The following PDE4B variants were observed in gnomAD, a reference collection of about 807,000 sequenced individuals.
PDE4B encodes the protein 3',5'-cyclic-AMP phosphodiesterase 4B.
A neutral mutation model predicts 82.2 loss-of-function variants in PDE4B; 20 were observed. The ratio of observed to expected loss-of-function variants is 0.24; its 90% CI spans 0.17 to 0.35. The LOEUF is 0.35. Ranked by LOEUF, PDE4B falls within the 10% of genes least tolerant of loss-of-function variation. PDE4B has a pLI of 1.00. For missense variants in PDE4B, 655 were observed against 907.2 expected (o/e 0.72, Z 3.57); for synonymous variants, 320 against 318.9 (o/e 1.00, Z -0.04).
chr1:65,949,626 T>C (rs939804050), intron 3 of PDE4B, among the ~76,000 whole-genome samples: 25 of 152,260 alleles, frequency 1.6e-4, no homozygotes, highest in African/African-American at 5.8e-4. Context: ...ATTTCTTTTC[T>C]GCTTTACCTG....
At chr1:66,207,547 G>A (rs527250588) in intron 3 of PDE4B, among the ~76,000 whole-genome samples, 44 of 152,222 alleles carry the variant, frequency 2.9e-4, no homozygotes, top group African/African-American at 1.1e-3. Context: ...TGCTAACCTC[G>A]TTACTGGCAA....
intron 3 of PDE4B, among the ~76,000 whole-genome samples, chr1:66,164,535 C>CAAACAAAAAAAAA (rs1646681483): frequency 2.1e-5 from 1 of 48,556 alleles, no homozygotes; most frequent in Admixed American, 3.6e-4. Context: ...GACTCCGTCT[C>CAAACAAAAAAAAA]AAAAAAAAAA....
chr1:65,803,003 CT>C (rs1356772253), intron 1 of PDE4B, among the ~76,000 whole-genome samples: 1 of 151,854 alleles, frequency 6.6e-6, no homozygotes, highest in South Asian at 2.1e-4. Context: ...AAATGTTATG[CT>C]TTTTTGTTTT....
At chr1:65,874,412 T>G (rs894336746) in intron 1 of PDE4B, among the ~76,000 whole-genome samples, 1 of 152,254 alleles carries the variant, frequency 6.6e-6, no homozygotes, top group East Asian at 1.9e-4. Context: ...CCTTTATTTC[T>G]TTCTCCTGCC....
In PDE4B at chr1:66,164,559, AAAAG is replaced by A. The variant is rs1187534564; in HGVS notation, c.282-82885_282-82882del. 5.5e-3 allele frequency among the ~76,000 whole-genome samples: 686 copies of A among 125,032 alleles called. 15 individuals carry two copies. The highest frequency in any genetic ancestry group is 0.018 in the African/African-American group (613 of 34,504). The allele number at this position is 125,032 out of a possible 152,430, so 82.0% of individuals were successfully genotyped here. On this transcript the variant is annotated intron_variant, in intron 3 of 16. Transcript: ENST00000341517. ...TCAAAAAAAAAAAAAAAAAAAAAAA[AAAAG>A]AAAGAAAGAAAGAAAAAGAAAGAAA...
chr1:66,054,203 A>T (rs186960612), intron 3 of PDE4B, among the ~76,000 whole-genome samples: 2 of 152,308 alleles, frequency 1.3e-5, no homozygotes, highest in Non-Finnish European at 2.9e-5. Flanking sequence ...GTGATCATAG[A>T]TTACTAACGT....
intron 3 of PDE4B, among the ~76,000 whole-genome samples, chr1:66,073,664 G>T (rs1010644720): frequency 6.6e-6 from 1 of 152,030 alleles, no homozygotes; most frequent in Non-Finnish European, 1.5e-5. Flanking sequence ...CAACAAATCC[G>T]ATAGTAAACC....
In PDE4B at chr1:65,918,703, T is replaced by TAC; in HGVS notation, c.151_152dup (p.Gln51HisfsTer30). On this transcript the variant is annotated frameshift_variant, in exon 3 of 17. Transcript: ENST00000341517. LOFTEE classifies it high-confidence loss of function. ...GGGAGAAGGTGTTGCTCAGGAAACTTACAGTTACCACCACTGTCTCAAAGA... is the reference window on the plus strand; with the variant it reads ...GGGAGAAGGTGTTGCTCAGGAAACTTACACAGTTACCACCACTGTCTCAAAGA... 6.2e-7 allele frequency: 1 copy of TAC among 1,612,582 alleles called. No homozygotes were observed. Among genetic ancestry groups the TAC allele is most frequent in the South Asian group, 1.1e-5 (1 of 91,052 alleles).
chr1:66,183,167 A>T (rs1392687470), intron 3 of PDE4B, among the ~76,000 whole-genome samples: 1 of 152,114 alleles, frequency 6.6e-6, no homozygotes, highest in Non-Finnish European at 1.5e-5. Context: ...TTTTGTGCTG[A>T]GTTCTAAATG....
intron 3 of PDE4B, among the ~76,000 whole-genome samples, chr1:65,928,892 A>T: frequency 6.6e-6 from 1 of 152,234 alleles, no homozygotes; most frequent in African/African-American, 2.4e-5. Context: ...CCAAGCTGCA[A>T]CATTAGAAGC....
intron 1 of PDE4B, among the ~76,000 whole-genome samples, chr1:65,882,739 G>A (rs983591403): frequency 1.3e-5 from 2 of 151,704 alleles, no homozygotes; most frequent in African/African-American, 4.8e-5. Context: ...GATGAATAAT[G>A]CTTAATGTTT....
At chr1:66,006,475 G>A (rs1426063247) in intron 3 of PDE4B, among the ~76,000 whole-genome samples, 3 of 152,136 alleles carry the variant, frequency 2.0e-5, no homozygotes, top group Admixed American at 1.3e-4. Flanking sequence ...GCCAGGCATG[G>A]TGGTTTGCAC....
At chr1:66,067,522 T>C (rs1024239650) in intron 3 of PDE4B, among the ~76,000 whole-genome samples, 6 of 152,132 alleles carry the variant, frequency 3.9e-5, no homozygotes, top group Non-Finnish European at 5.9e-5. Flanking sequence ...TTCGCCCACT[T>C]GTTGATGGGG....
At chr1:66,227,720 G>A (rs1450016656) in intron 3 of PDE4B, among the ~76,000 whole-genome samples, 4 of 152,070 alleles carry the variant, frequency 2.6e-5, no homozygotes, top group Non-Finnish European at 5.9e-5. Flanking sequence ...TACCAACATA[G>A]GTAGCATTTC....
At chr1:66,250,257 G>T (rs1570556414) in intron 4 of PDE4B, among the ~76,000 whole-genome samples, 1 of 152,152 alleles carries the variant, frequency 6.6e-6, no homozygotes, top group Non-Finnish European at 1.5e-5. Flanking sequence ...TAGACCAAGA[G>T]TCTAGATGTG....
chr1:65,892,939 G>C (rs1458985526), intron 1 of PDE4B, among the ~76,000 whole-genome samples: 1 of 151,746 alleles, frequency 6.6e-6, no homozygotes, highest in African/African-American at 2.4e-5. Flanking sequence ...AATTAAAAAA[G>C]TACCTATTGA....
At chr1:66,355,711 G>A in intron 9 of PDE4B, 91 bp downstream of exon 9, 1 of 674,694 alleles carries the variant, frequency 1.5e-6, no homozygotes, top group South Asian at 2.2e-5. Context: ...ATGTGAATTT[G>A]GGATGGAGTT....
chr1:66,211,779 G>A (rs803300), intron 3 of PDE4B, among the ~76,000 whole-genome samples: 19,349 of 152,186 alleles, frequency 0.13, 1,432 homozygotes, highest in Non-Finnish European at 0.17. Context: ...TCCCAACTTT[G>A]TGATGTTTTC....
chr1:65,916,639 C>G (rs1234654992), intron 2 of PDE4B, among the ~76,000 whole-genome samples: 1 of 152,106 alleles, frequency 6.6e-6, no homozygotes, highest in African/African-American at 2.4e-5. Context: ...TCTTAAATCT[C>G]TTCAGGAAGA....
Sources: gnomAD v4.1 joint callset for allele counts (sites outside exome capture counted in the v4.1 genomes callset) on GRCh38, gnomAD v4.1.1 for gene constraint, MANE v1.5 for transcripts, NCBI Gene and HGNC (gene_info 2026-07-23, HGNC 2026-07-21) for gene names.